SLC26A8: variants seen among roughly 807,000 people sequenced by gnomAD.
The protein encoded by SLC26A8 is testis anion transporter 1.
Under a neutral mutation model 105.0 loss-of-function variants are expected in SLC26A8, and 70 were observed. The ratio of observed to expected loss-of-function variants is 0.67; its 90% confidence interval spans 0.55 to 0.81. SLC26A8 has a LOEUF of 0.81. Ranked by LOEUF, SLC26A8 falls within the 40% of genes least tolerant of loss-of-function variation. SLC26A8 has a pLI of 0.00. For missense variants in SLC26A8, 998 were observed against 1,181.8 expected (o/e 0.84, Z 2.28); for synonymous variants, 415 against 438.3 (o/e 0.95, Z 0.66).
At chr6:35,997,563 G>A (rs959891480) in intron 5 of SLC26A8, among the ~76,000 whole-genome samples, 175 bp downstream of exon 5, 4 of 152,190 alleles carry the variant, frequency 2.6e-5, no homozygotes, top group Non-Finnish European at 5.9e-5. Flanking sequence ...TCTGAGGAGA[G>A]AGAAGTTTTG....
In SLC26A8 at chr6:36,024,135, A is replaced by C. The variant is rs73407826; in HGVS notation, c.-3+369T>G. 3.9e-3 allele frequency among the ~76,000 whole-genome samples: 600 copies of C among 152,286 alleles called. 4 individuals are homozygous for C. The highest frequency in any genetic ancestry group is 0.014 in the African/African-American group (565 of 41,566). On this transcript the variant is annotated intron_variant, in intron 1 of 19. Coordinates refer to ENST00000490799, the MANE Select transcript of SLC26A8 (RefSeq NM_052961.4). The stretch of plus-strand genomic sequence containing the variant: ...ATTAACAAAAGCAGTGGGGTCTGAA[A>C]GGAAGAGGAACGGCCGGGCAGTCAG...
At chr6:35,975,658 A>G (rs1239458447) in intron 9 of SLC26A8, among the ~76,000 whole-genome samples, 170 bp from the exon 10 acceptor site, 1 of 152,046 alleles carries the variant, frequency 6.6e-6, no homozygotes, top group Non-Finnish European at 1.5e-5. Context: ...TCACACCTAT[A>G]AGCTCAACAC....
chr6:35,992,919 C>T (rs1761219217), intron 5 of SLC26A8, among the ~76,000 whole-genome samples: 1 of 152,158 alleles, frequency 6.6e-6, no homozygotes, highest in Non-Finnish European at 1.5e-5. Flanking sequence ...AGTCAGCTCA[C>T]TTAAGTTCTT....
At chr6:35,964,020 G>T (rs1282586526) in intron 11 of SLC26A8, among the ~76,000 whole-genome samples, 1 of 151,980 alleles carries the variant, frequency 6.6e-6, no homozygotes, top group Non-Finnish European at 1.5e-5. Context: ...GACCAGCCTG[G>T]GTGACATAGT....
intron 3 of SLC26A8, among the ~76,000 whole-genome samples, chr6:36,004,232 G>A (rs992817898): frequency 6.6e-6 from 1 of 151,492 alleles, no homozygotes; most frequent in Non-Finnish European, 1.5e-5. Flanking sequence ...GCACCACCAT[G>A]CCCATCTAGA....
intron 1 of SLC26A8, among the ~76,000 whole-genome samples, chr6:36,020,755 AG>A (rs1762109705): frequency 6.6e-6 from 1 of 152,256 alleles, no homozygotes; most frequent in Non-Finnish European, 1.5e-5. Flanking sequence ...CAATAAAAAA[AG>A]CATAAACTCT....
Position 35,946,833 on chromosome 6 carries a change from A to G in SLC26A8, c.2473-2493T>C, listed in dbSNP as rs1771693547. ...CTCCCGAGTAGCTAGGATTACAGGT[A>G]TGCACCATCATACCTGGCTGATTTT... On this transcript the variant is annotated intron_variant, in intron 19 of 19. Coordinates refer to ENST00000490799, the MANE Select transcript of SLC26A8 (RefSeq NM_052961.4). Among the ~76,000 whole-genome samples, 5 of 151,738 alleles carry G rather than the reference A, an allele frequency of 3.3e-5. No individual in the cohort carries two copies. The South Asian group carries it at 6.2e-4, about 19-fold the overall frequency.
intron 11 of SLC26A8, among the ~76,000 whole-genome samples, chr6:35,965,034 C>T (rs1318318960): frequency 6.6e-6 from 1 of 150,452 alleles, no homozygotes; most frequent in African/African-American, 2.4e-5. Context: ...AAAATGTAGA[C>T]AACCTAATTT....
chr6:35,976,568 T>TTTTTTTTTTTTTA (rs1773040839), intron 9 of SLC26A8, among the ~76,000 whole-genome samples: 1 of 149,898 alleles, frequency 6.7e-6, no homozygotes, highest in African/African-American at 2.5e-5. Context: ...TTTTTTTTTT[T>TTTTTTTTTTTTTA]GAGATGGAGT....
At chr6:35,952,824 G>A (rs574237604) in intron 17 of SLC26A8, among the ~76,000 whole-genome samples, 186 of 152,132 alleles carry the variant, frequency 1.2e-3, no homozygotes, top group African/African-American at 4.3e-3. Flanking sequence ...GACAAGCCTG[G>A]CCAATATGGT....
intron 7 of SLC26A8, among the ~76,000 whole-genome samples, 176 bp from the exon 8 acceptor site, chr6:35,982,379 C>T (rs980579233): frequency 7.2e-5 from 11 of 152,152 alleles, no homozygotes; most frequent in Non-Finnish European, 1.5e-5. Flanking sequence ...GCAAGGCAGG[C>T]ATTAGAGATC....
At chr6:35,994,668 C>T (rs1422130724) in intron 5 of SLC26A8, among the ~76,000 whole-genome samples, 2 of 151,824 alleles carry the variant, frequency 1.3e-5, no homozygotes, top group East Asian at 3.9e-4. Flanking sequence ...CTGTGCCTCC[C>T]AGGTTCAGGT....
At chr6:35,961,890 A>G (rs1772318383) in intron 12 of SLC26A8, among the ~76,000 whole-genome samples, 1 of 152,118 alleles carries the variant, frequency 6.6e-6, no homozygotes, top group Non-Finnish European at 1.5e-5. Context: ...CCTTATTGGG[A>G]TTGGAGACTC....
Position 35,955,534 on chromosome 6 carries a change from G to C in SLC26A8, c.1864-14C>G, listed in dbSNP as rs1220855109. ...TGTGTAAAGAATCTGGGACGACAGA[G>C]TTAAGGGAGGGCTGTGGTAAGACAC... On this transcript the variant is annotated splice_polypyrimidine_tract_variant and intron_variant, in intron 16 of 19. Coordinates refer to ENST00000490799, the MANE Select transcript of SLC26A8 (RefSeq NM_052961.4). 6.2e-7 allele frequency: 1 copy of C among 1,610,520 alleles called. No individual in the cohort carries two copies. The highest frequency in any genetic ancestry group is 1.3e-5 in the African/African-American group (1 of 75,004).
chr6:35,962,663 G>T, intron 11 of SLC26A8, 42 bp from the exon 12 acceptor site: 2 of 1,589,684 alleles, frequency 1.3e-6, no homozygotes, highest in East Asian at 2.2e-5. Context: ...TCCCTTTGGG[G>T]TGTAAAACTC....
chr6:35,983,986 TC>T (rs1773385563), intron 7 of SLC26A8, among the ~76,000 whole-genome samples: 1 of 152,114 alleles, frequency 6.6e-6, no homozygotes, highest in African/African-American at 2.4e-5. Flanking sequence ...CCATCCTCCC[TC>T]TCTCATTTTC....
At chr6:36,017,714 A>G (rs775931400) in intron 2 of SLC26A8, among the ~76,000 whole-genome samples, 2 of 152,204 alleles carry the variant, frequency 1.3e-5, no homozygotes, top group African/African-American at 2.4e-5. Context: ...TGAAAAGACA[A>G]CCTGCAGAAT....
At chr6:35,982,233 G>A (rs1388961726) in intron 7 of SLC26A8, 30 bp from the exon 8 acceptor site, 1 of 1,603,080 alleles carries the variant, frequency 6.2e-7, no homozygotes, top group Non-Finnish European at 8.5e-7. Context: ...AAGGGATGGG[G>A]GCATATGAAT....
At chr6:36,020,885 A>G (rs1762112243) in intron 1 of SLC26A8, among the ~76,000 whole-genome samples, 1 of 152,256 alleles carries the variant, frequency 6.6e-6, no homozygotes, top group Non-Finnish European at 1.5e-5. Context: ...GTGATGCTGC[A>G]GATAAGTTTA....
Sources: gnomAD v4.1 joint callset for allele counts (sites outside exome capture counted in the v4.1 genomes callset) on GRCh38, gnomAD v4.1.1 for gene constraint, MANE v1.5 for transcripts, NCBI Gene and HGNC (gene_info 2026-07-23, HGNC 2026-07-21) for gene names.